The following RNF217 variants were observed in gnomAD, a reference collection of about 807,000 sequenced individuals.
The protein encoded by RNF217 is ring finger protein 217, also known as E3 ubiquitin-protein ligase RNF217.
Under a neutral mutation model 57.8 loss-of-function variants are expected in RNF217, and 31 were observed. The ratio of observed to expected loss-of-function variants is 0.54; its 90% CI spans 0.40 to 0.72. The LOEUF (loss-of-function observed/expected upper bound fraction) is 0.72, where lower values mean the gene tolerates loss of function less well. Among genes scored for constraint, RNF217 ranks in the 30% least tolerant of loss-of-function variants. The pLI, the probability that RNF217 is intolerant of heterozygous loss-of-function variation, is 0.00. For synonymous variants in RNF217, 313 were observed against 294.0 expected (o/e 1.06, Z -0.66); for missense variants, 696 against 708.3 (o/e 0.98, Z 0.20).
At chr6:125,060,736 C>T (rs748673386) in intron 3 of RNF217, among the ~76,000 whole-genome samples, 3 of 152,058 alleles carry the variant, frequency 2.0e-5, no homozygotes, top group East Asian at 1.9e-4. Flanking sequence ...TGAGCCACCA[C>T]GCCAAACCAT....
Position 124,962,986 on chromosome 6 carries a change from G to C in RNF217, c.442G>C (p.Asp148His). 1 of 1,597,080 alleles carries C rather than the reference G, an allele frequency of 6.3e-7. No individual in the cohort carries two copies. Among genetic ancestry groups the C allele is most frequent in the Non-Finnish European group, 8.5e-7 (1 of 1,179,272 alleles). The stretch of plus-strand genomic sequence containing the variant: ...GGGGGCCGCCGACGGACTGGTCCTG[G>C]ACGTGCTGGGTCAGCGGCGCCCGTC... ...RVGAADGLVL[D>H]VLGQRRPSLA... The change falls in exon 1 of 6, where the codon GAC (aspartate) becomes CAC (histidine). Residue 148 changes from aspartate (D) to histidine (H), a missense_variant. Physicochemically the swap from Asp to His is moderately conservative, Grantham distance 81. Coordinates refer to ENST00000521654, the MANE Select transcript of RNF217 (RefSeq NM_001286398.3). This position sits in a 1 kb window ranked among gnomAD's most constrained non-coding sequence, Gnocchi z 4.6.
intron 4 of RNF217, 105 bp from the exon 5 acceptor site, chr6:125,081,331 C>A: frequency 2.6e-6 from 2 of 769,512 alleles, no homozygotes; most frequent in Non-Finnish European, 4.3e-6. Context: ...TGTAATCAGA[C>A]TACTTAAAAA....
intron 2 of RNF217, among the ~76,000 whole-genome samples, chr6:125,053,010 AC>A (rs1787386011): frequency 6.6e-6 from 1 of 152,024 alleles, no homozygotes; most frequent in African/African-American, 2.4e-5. Context: ...CTACATTAGA[AC>A]ACTTGCTGTT....
chr6:125,021,731 G>A (rs796429789), intron 1 of RNF217, among the ~76,000 whole-genome samples: 41 of 152,206 alleles, frequency 2.7e-4, no homozygotes, highest in African/African-American at 9.6e-4. Flanking sequence ...TGTTTTCCCA[G>A]TTTCCTTTAT....
chr6:125,030,208 T>C (rs184938702), intron 1 of RNF217, among the ~76,000 whole-genome samples: 1 of 152,120 alleles, frequency 6.6e-6, no homozygotes, highest in Non-Finnish European at 1.5e-5. Flanking sequence ...CCACAACACG[T>C]AGGAATTCTG....
intron 1 of RNF217, chr6:125,006,174 A>G (rs1662106222): frequency 6.6e-6 from 1 of 152,224 alleles, no homozygotes; most frequent in African/African-American, 2.4e-5. Context: ...AGTGGAGCAT[A>G]AAAGTAGAGT....
At chr6:124,984,861 T>TA (rs1423673213) in intron 1 of RNF217, among the ~76,000 whole-genome samples, 1 of 152,084 alleles carries the variant, frequency 6.6e-6, no homozygotes, top group Non-Finnish European at 1.5e-5. Flanking sequence ...GGGAAAATGA[T>TA]ACTATAAACT....
At chr6:125,039,078 C>G (rs1786770620) in intron 1 of RNF217, among the ~76,000 whole-genome samples, 1 of 152,122 alleles carries the variant, frequency 6.6e-6, no homozygotes, top group Non-Finnish European at 1.5e-5. Context: ...TCAACTCCCA[C>G]TTGTAAGTGA....
At chr6:125,019,678 A>G (rs1455895075) in intron 1 of RNF217, among the ~76,000 whole-genome samples, 1 of 151,818 alleles carries the variant, frequency 6.6e-6, no homozygotes, top group Non-Finnish European at 1.5e-5. Context: ...CTCAAGTTCC[A>G]TTTTTTTCCT....
intron 3 of RNF217, among the ~76,000 whole-genome samples, chr6:125,070,785 C>T (rs1788103937): frequency 6.6e-6 from 1 of 152,040 alleles, no homozygotes; most frequent in South Asian, 2.1e-4. Context: ...GAAGGAAACA[C>T]ATATATAAAA....
intron 1 of RNF217, among the ~76,000 whole-genome samples, chr6:124,991,480 T>A (rs915614825): frequency 6.6e-6 from 1 of 152,226 alleles, no homozygotes; most frequent in Non-Finnish European, 1.5e-5. Flanking sequence ...ATCTGCTGTA[T>A]TTTTTCATGG....
At chr6:125,047,423 T>C (rs1427727122) in intron 2 of RNF217, among the ~76,000 whole-genome samples, 1 of 152,070 alleles carries the variant, frequency 6.6e-6, no homozygotes, top group East Asian at 1.9e-4. Flanking sequence ...GAGTGAAATA[T>C]GTAAAAATTG....
chr6:124,981,470 G>C (rs746055361), intron 1 of RNF217, among the ~76,000 whole-genome samples: 1 of 152,120 alleles, frequency 6.6e-6, no homozygotes, highest in Non-Finnish European at 1.5e-5. Flanking sequence ...TGGTTGGGGG[G>C]GCGGTGACTT....
intron 1 of RNF217, among the ~76,000 whole-genome samples, chr6:125,020,460 T>A (rs1785794115): frequency 6.6e-6 from 1 of 152,254 alleles, no homozygotes; most frequent in African/African-American, 2.4e-5. Flanking sequence ...TTTACTTCTA[T>A]CATGCAGGTC....
intron 1 of RNF217, among the ~76,000 whole-genome samples, chr6:124,968,726 C>T (rs1783645551): frequency 6.6e-6 from 1 of 152,088 alleles, no homozygotes; most frequent in Non-Finnish European, 1.5e-5. Context: ...GTGATTTTTC[C>T]CTCCTAGAGC....
intron 1 of RNF217, among the ~76,000 whole-genome samples, chr6:124,987,433 TTC>T (rs1420422449): frequency 6.6e-6 from 1 of 152,140 alleles, no homozygotes; most frequent in Non-Finnish European, 1.5e-5. Flanking sequence ...TAGTTTCTGT[TTC>T]TATAGAATTG....
chr6:124,963,565 C>CA, intron 1 of RNF217, 139 bp downstream of exon 1: 1 of 1,081,202 alleles, frequency 9.2e-7, no homozygotes, highest in Non-Finnish European at 1.3e-6. Flanking sequence ...TCTCACGTCT[C>CA]AGTTGTTATT....
intron 1 of RNF217, among the ~76,000 whole-genome samples, chr6:125,011,197 T>G (rs965342124): frequency 2.0e-5 from 3 of 152,174 alleles, no homozygotes; most frequent in Admixed American, 1.3e-4. Flanking sequence ...CATAATAATT[T>G]TAACCTTTAG....
intron 2 of RNF217, chr6:125,046,555 A>G (rs572052472): frequency 3.5e-4 from 161 of 455,436 alleles, no homozygotes; most frequent in Middle Eastern, 2.3e-3. Context: ...GCAGTAAATG[A>G]AGCAGAAAAC....
Sources: gnomAD v4.1 joint callset for allele counts (sites outside exome capture counted in the v4.1 genomes callset) on GRCh38, gnomAD v4.1.1 for gene constraint, Gnocchi (gnomAD v3.1) non-coding constraint, MANE v1.5 for transcripts, NCBI Gene and HGNC (gene_info 2026-07-23, HGNC 2026-07-21) for gene names.